PTDSS2: variants seen among roughly 807,000 people sequenced by gnomAD.
The protein encoded by PTDSS2 is phosphatidylserine synthase 2.
A neutral mutation model predicts 64.7 loss-of-function variants in PTDSS2; 41 were observed. The ratio of observed to expected loss-of-function variants is 0.63; its 90% confidence interval spans 0.49 to 0.82. PTDSS2 has a LOEUF of 0.82. PTDSS2 is among the 40% of genes least tolerant of loss of function. The probability of loss-of-function intolerance (pLI) is 0.00; values close to 1 mark genes in which losing one functional copy is unlikely to be tolerated. For synonymous variants in PTDSS2, 297 were observed against 277.8 expected, an observed-to-expected ratio of 1.07 and a Z score of -0.69; for missense variants, 485 against 650.0, an observed-to-expected ratio of 0.75 and a Z score of 2.76.
chr11:468,530 C>T (rs953049833), intron 2 of PTDSS2, among the ~76,000 whole-genome samples: 10 of 152,248 alleles, frequency 6.6e-5, no homozygotes, highest in South Asian at 2.1e-4. Context: ...AGATGCATTC[C>T]GTGACCTTCC....
intron 2 of PTDSS2, chr11:463,862 A>G (rs1847019145): frequency 6.6e-6 from 1 of 152,086 alleles, no homozygotes; most frequent in South Asian, 2.1e-4. Flanking sequence ...ATTTTTAAAA[A>G]TTAATATTTA....
At chr11:487,376 G>C (rs1204023392) in intron 5 of PTDSS2, 44 bp from the exon 6 acceptor site, 6 of 1,575,496 alleles carry the variant, frequency 3.8e-6, no homozygotes, top group Non-Finnish European at 5.2e-6. Context: ...GGGAGTGGGG[G>C]TGGCTGTGCC....
rs538526439 is a variant in PTDSS2 at position 491,269 on chromosome 11, C to T, written c.*687C>T. 6.6e-6 allele frequency: 1 copy of T among 152,588 alleles called. No individual in the cohort carries two copies. Among genetic ancestry groups the T allele is most frequent in the South Asian group, 2.1e-4 (1 of 4,834 alleles). The allele number at this position is 152,588 out of a possible 1,614,324, so 9.5% of individuals were successfully genotyped here. Reference sequence around the variant, plus strand: ...TGGGGTCAGAGATCACTGAGCTGCCCCTCAAGGGGGCCTGGAACCCGGGTG... The same window carrying T: ...TGGGGTCAGAGATCACTGAGCTGCCTCTCAAGGGGGCCTGGAACCCGGGTG... On this transcript the variant is annotated 3_prime_UTR_variant, in exon 12 of 12. Transcript: ENST00000308020.
At chr11:466,826 A>G (rs1461692356) in intron 2 of PTDSS2, among the ~76,000 whole-genome samples, 3 of 152,136 alleles carry the variant, frequency 2.0e-5, no homozygotes, top group Non-Finnish European at 4.4e-5. Flanking sequence ...TGGGGATTAC[A>G]ATTCAAGATG....
intron 6 of PTDSS2, 107 bp from the exon 7 acceptor site, chr11:488,092 C>T (rs1346544411): frequency 5.2e-6 from 4 of 775,884 alleles, no homozygotes; most frequent in Non-Finnish European, 6.5e-6. Flanking sequence ...CGGGCGTGGC[C>T]GGCGTCCCAT....
chr11:485,688 CGT>C (rs1407796321), intron 4 of PTDSS2, among the ~76,000 whole-genome samples: 11 of 128,478 alleles, frequency 8.6e-5, no homozygotes, highest in Middle Eastern at 6.5e-3. Context: ...CGCACGGGCG[CGT>C]GTGTGCTCAC....
At chr11:467,669 G>A (rs1244773702) in intron 2 of PTDSS2, among the ~76,000 whole-genome samples, 3 of 152,064 alleles carry the variant, frequency 2.0e-5, no homozygotes, top group Non-Finnish European at 4.4e-5. Flanking sequence ...GGAGGCGGAG[G>A]TTGCAGTGAG....
intron 1 of PTDSS2, among the ~76,000 whole-genome samples, chr11:455,684 A>G (rs764149691): frequency 5.9e-5 from 9 of 152,238 alleles, no homozygotes; most frequent in Non-Finnish European, 5.9e-5. Flanking sequence ...CCTTCTTGCT[A>G]TGGTCTCCGG....
intron 3 of PTDSS2, among the ~76,000 whole-genome samples, chr11:474,193 C>G (rs1419214072): frequency 6.6e-6 from 1 of 152,248 alleles, no homozygotes; most frequent in Non-Finnish European, 1.5e-5. Flanking sequence ...CAGGCCTTCT[C>G]TGGCCCTTTC....
chr11:479,270 G>C lies in PTDSS2; in HGVS notation c.435+118G>C, dbSNP rs1847959014. 3 of 908,314 alleles carry C rather than the reference G, an allele frequency of 3.3e-6. No homozygotes were observed. Among genetic ancestry groups the C allele is most frequent in the Non-Finnish European group, 5.5e-6 (3 of 541,096 alleles). 56.3% of individuals were successfully genotyped at this position (908,314 alleles called of 1,614,324 possible). ...CGAGTGATGGGAGGAAGCAGGGCTA[G>C]ACCCCCACAAAGTAGGCCGAGCTGC... On this transcript the variant is annotated intron_variant, in intron 4 of 11. Coordinates refer to ENST00000308020, the MANE Select transcript of PTDSS2 (RefSeq NM_030783.3). The surrounding 1 kb of genome is among the most constrained non-coding windows in gnomAD (Gnocchi z 4.2).
At position 460,599 on chromosome 11, in the gene PTDSS2, G is replaced by T; in HGVS notation, c.284+311G>T. 1 of 318,134 alleles carries T rather than the reference G, an allele frequency of 3.1e-6. No homozygotes were observed. The highest frequency in any genetic ancestry group is 3.8e-5 in the South Asian group (1 of 26,606). 19.7% of individuals were successfully genotyped at this position (318,134 alleles called of 1,614,324 possible). On this transcript the variant is annotated intron_variant, in intron 2 of 11. Coordinates refer to ENST00000308020, the MANE Select transcript of PTDSS2 (RefSeq NM_030783.3). The surrounding 1 kb of genome is among the most constrained non-coding windows in gnomAD (Gnocchi z 5.8). ...GTTGAGGTTGGAACGAGCTGCAGCAGCTACAGGGCTGAGCCCTTGAGTTTG... is the reference window on the plus strand; with the variant it reads ...GTTGAGGTTGGAACGAGCTGCAGCATCTACAGGGCTGAGCCCTTGAGTTTG...
At chr11:454,890 C>T (rs984667031) in intron 1 of PTDSS2, among the ~76,000 whole-genome samples, 1 of 152,240 alleles carries the variant, frequency 6.6e-6, no homozygotes, top group Non-Finnish European at 1.5e-5. Context: ...ACAGGCTGCT[C>T]ACCCCATCCC....
intron 2 of PTDSS2, among the ~76,000 whole-genome samples, chr11:465,847 C>T (rs1206880628): frequency 6.6e-6 from 1 of 151,288 alleles, no homozygotes; most frequent in African/African-American, 2.4e-5. Context: ...GAGACCGAGG[C>T]GAGAGGATTG....
At chr11:459,265 G>A (rs1332972255) in intron 1 of PTDSS2, 1 of 50,026 alleles carries the variant, frequency 2.0e-5, no homozygotes, top group Non-Finnish European at 3.5e-5. Flanking sequence ...GACACACTCC[G>A]GTGGATGTCG....
rs1846923616 is a variant in PTDSS2, at chr11:462,254, G to A, written c.284+1966G>A. On this transcript the variant is annotated intron_variant, in intron 2 of 11. Coordinates refer to ENST00000308020, the MANE Select transcript of PTDSS2 (RefSeq NM_030783.3). The surrounding 1 kb of genome is among the most constrained non-coding windows in gnomAD (Gnocchi z 4.5). ...GCCAGGAGCTTAGACCCCTGAGGGG[G>A]CAGCAGTGGTGGGCACGTCCCCCAC... Among the ~76,000 whole-genome samples the A allele has an allele frequency of 6.6e-6, 1 of 152,062 alleles. No individual in the cohort carries two copies. Among genetic ancestry groups the A allele is most frequent in the South Asian group, 2.1e-4 (1 of 4,828 alleles).
chr11:488,342 C>G (rs779280284), intron 7 of PTDSS2, 30 bp downstream of exon 7: 2 of 1,562,626 alleles, frequency 1.3e-6, no homozygotes, highest in South Asian at 1.1e-5. Flanking sequence ...CCGGGGCAGT[C>G]GGTGCAGGCT....
chr11:466,762 G>C (rs569073980), intron 2 of PTDSS2, among the ~76,000 whole-genome samples: 2 of 152,202 alleles, frequency 1.3e-5, no homozygotes, highest in Middle Eastern at 3.4e-3. Context: ...CACTACATGA[G>C]AACAGCATGG....
Position 479,128 on chromosome 11 carries a change from GT to G in PTDSS2, c.414del (p.Leu139SerfsTer16), listed in dbSNP as rs1211326883. ...TCTGCGTGAGTGTGGTCTACGAGCT[GT>G]TTCTCATCTTTATACTCTTCCAGGT... Reference protein sequence around the residue: ...WLCVSVVYELFLIFILFQTVQ... With the variant: ...WLCVSVVYELXLIFILFQTVQ... On this transcript the variant is annotated frameshift_variant, in exon 4 of 12. Transcript: ENST00000308020. LOFTEE classifies it high-confidence loss of function. This position sits in a 1 kb window ranked among gnomAD's most constrained non-coding sequence, Gnocchi z 4.2. 9.3e-6 allele frequency: 15 copies of G among 1,614,006 alleles called. No homozygotes were observed. The highest frequency in any genetic ancestry group is 1.3e-5 in the Non-Finnish European group (15 of 1,179,972).
chr11:471,964 T>TGCAGATGGCGGCCTGGGGTGAC (rs1847472875), intron 2 of PTDSS2, among the ~76,000 whole-genome samples: 1 of 69,190 alleles, frequency 1.4e-5, no homozygotes, highest in Non-Finnish European at 2.9e-5. Context: ...CCTGGGGTGA[T>TGCAGATGGCGGCCTGGGGTGAC]GCAGATGGCG....
Sources: gnomAD v4.1 joint callset for allele counts (sites outside exome capture counted in the v4.1 genomes callset) on GRCh38, gnomAD v4.1.1 for gene constraint, Gnocchi (gnomAD v3.1) non-coding constraint, MANE v1.5 for transcripts, NCBI Gene and HGNC (gene_info 2026-07-23, HGNC 2026-07-21) for gene names.